DRD3: variants seen among roughly 807,000 people sequenced by gnomAD.
DRD3 encodes the protein D(3) dopamine receptor.
Under a neutral mutation model 36.3 loss-of-function variants are expected in DRD3, and 19 were observed. That is an observed-to-expected ratio of 0.52 (90% CI 0.36 to 0.77). The LOEUF is 0.77. DRD3 is among the 30% of genes least tolerant of loss of function. DRD3 has a pLI of 0.00. For synonymous variants in DRD3, 195 were observed against 203.7 expected, an observed-to-expected ratio of 0.96 and a Z score of 0.36; for missense variants, 465 against 505.3, an observed-to-expected ratio of 0.92 and a Z score of 0.77.
intron 3 of DRD3, among the ~76,000 whole-genome samples, chr3:114,157,960 G>T (rs1399565604): frequency 6.6e-6 from 1 of 152,158 alleles, no homozygotes; most frequent in Non-Finnish European, 1.5e-5. Context: ...AAATTAGCCA[G>T]ATGTGGTGGC....
intron 1 of DRD3, among the ~76,000 whole-genome samples, chr3:114,191,869 A>G (rs962290014): frequency 1.3e-5 from 2 of 152,248 alleles, no homozygotes; most frequent in Non-Finnish European, 2.9e-5. Flanking sequence ...CTATAAGAGC[A>G]TTGAGGATCA....
At chr3:114,156,802 T>TTTTTC in intron 3 of DRD3, among the ~76,000 whole-genome samples, 2 of 136,246 alleles carry the variant, frequency 1.5e-5, no homozygotes, top group African/African-American at 5.5e-5. Flanking sequence ...TTTCTTTCTC[T>TTTTTC]TTTCTTTTTC....
intron 1 of DRD3, among the ~76,000 whole-genome samples, chr3:114,173,640 C>T (rs1297628318): frequency 2.0e-5 from 3 of 152,108 alleles, no homozygotes; most frequent in Admixed American, 2.0e-4. Flanking sequence ...GGGGTGGGGG[C>T]CCAGCTTCTC....
chr3:114,185,198 C>T (rs2077968938), intron 1 of DRD3, among the ~76,000 whole-genome samples: 1 of 152,150 alleles, frequency 6.6e-6, no homozygotes, highest in Non-Finnish European at 1.5e-5. Context: ...TCTCCTTACC[C>T]TTTATCTAGC....
intron 1 of DRD3, among the ~76,000 whole-genome samples, chr3:114,197,623 T>C (rs1302074262): frequency 6.6e-6 from 1 of 152,214 alleles, no homozygotes; most frequent in Non-Finnish European, 1.5e-5. Flanking sequence ...TTTTTGTTTA[T>C]AGTACAAGAC....
At chr3:114,142,244 C>G (rs947672127) in intron 4 of DRD3, among the ~76,000 whole-genome samples, 1 of 152,046 alleles carries the variant, frequency 6.6e-6, no homozygotes, top group African/African-American at 2.4e-5. Flanking sequence ...GTCAGCTTTT[C>G]TGTTGTCAGC....
intron 3 of DRD3, among the ~76,000 whole-genome samples, chr3:114,159,329 T>C (rs1360402255): frequency 6.6e-6 from 1 of 151,730 alleles, no homozygotes; most frequent in African/African-American, 2.4e-5. Context: ...CCTCTTTCTT[T>C]CTCTTTCTCT....
intron 1 of DRD3, among the ~76,000 whole-genome samples, chr3:114,194,983 T>G (rs1025804577): frequency 4.6e-5 from 7 of 152,192 alleles, no homozygotes; most frequent in African/African-American, 1.7e-4. Flanking sequence ...CTGCTCTCAA[T>G]TCATAGGAAA....
intron 1 of DRD3, among the ~76,000 whole-genome samples, chr3:114,174,553 G>A (rs2077879449): frequency 1.3e-5 from 2 of 152,288 alleles, no homozygotes; most frequent in Admixed American, 6.5e-5. Flanking sequence ...AATCACAGTT[G>A]CATGGATTTC....
chr3:114,182,201 G>A (rs890215642), upstream of DRD3, among the ~76,000 whole-genome samples: 7 of 152,172 alleles, frequency 4.6e-5, no homozygotes, highest in African/African-American at 1.7e-4. Flanking sequence ...CTCAACCTTA[G>A]CCCCTGTTCC....
At chr3:114,145,914 G>A (rs987244183) in intron 4 of DRD3, among the ~76,000 whole-genome samples, 5 of 152,136 alleles carry the variant, frequency 3.3e-5, no homozygotes, top group African/African-American at 9.7e-5. Flanking sequence ...TAAATATGTA[G>A]ATCAAGTTTA....
chr3:114,158,764 C>T (rs1384190119), intron 3 of DRD3, among the ~76,000 whole-genome samples: 1 of 152,120 alleles, frequency 6.6e-6, no homozygotes, highest in Admixed American at 6.5e-5. Flanking sequence ...GATAAATTCT[C>T]AATAAATGGC....
chr3:114,177,210 T>C (rs933355991), intron 1 of DRD3, among the ~76,000 whole-genome samples: 3 of 152,176 alleles, frequency 2.0e-5, no homozygotes, highest in African/African-American at 7.2e-5. Context: ...GGGAGTTACA[T>C]TGTTATTATT....
intron 1 of DRD3, among the ~76,000 whole-genome samples, chr3:114,186,791 G>T (rs868206164): frequency 1.3e-5 from 2 of 152,238 alleles, no homozygotes; most frequent in South Asian, 2.1e-4. Context: ...ACATCAGGCA[G>T]ACTCTGCCAG....
At chr3:114,131,867 T>C (rs1005800559) in intron 5 of DRD3, among the ~76,000 whole-genome samples, 2 of 152,176 alleles carry the variant, frequency 1.3e-5, no homozygotes, top group Non-Finnish European at 2.9e-5. Context: ...TGAGATAACA[T>C]CTCAGGCCAG....
At chr3:114,184,699 A>T (rs1335646187) in intron 1 of DRD3, among the ~76,000 whole-genome samples, 1 of 150,400 alleles carries the variant, frequency 6.6e-6, no homozygotes, top group African/African-American at 2.4e-5. Flanking sequence ...AGTAGCTGGG[A>T]CTACAGGTGC....
intron 3 of DRD3, among the ~76,000 whole-genome samples, chr3:114,147,916 G>A (rs2077583330): frequency 6.6e-6 from 1 of 152,172 alleles, no homozygotes; most frequent in Non-Finnish European, 1.5e-5. Flanking sequence ...TGGGATTACA[G>A]GCGTGAGCCA....
intron 4 of DRD3, among the ~76,000 whole-genome samples, chr3:114,144,696 C>T (rs2077555482): frequency 1.3e-5 from 2 of 152,196 alleles, no homozygotes; most frequent in South Asian, 4.1e-4. Context: ...ACAACCATAA[C>T]ACCAGCTAAT....
chr3:114,172,756 T>A (rs1470891048), intron 1 of DRD3, among the ~76,000 whole-genome samples: 1 of 152,186 alleles, frequency 6.6e-6, no homozygotes, highest in Admixed American at 6.5e-5. Context: ...CCCATCTATC[T>A]TAGTCCATTT....
Sources: gnomAD v4.1 joint callset for allele counts (sites outside exome capture counted in the v4.1 genomes callset) on GRCh38, gnomAD v4.1.1 for gene constraint, MANE v1.5 for transcripts, NCBI Gene and HGNC (gene_info 2026-07-23, HGNC 2026-07-21) for gene names.